Variants in SMYD3 observed in about 807,000 individuals in gnomAD.
The protein encoded by SMYD3 is histone-lysine N-methyltransferase SMYD3.
A neutral mutation model predicts 57.7 loss-of-function variants in SMYD3; 36 were observed. The observed-to-expected ratio is 0.62, with a 90% CI of 0.48 to 0.82. SMYD3 has a LOEUF of 0.82. SMYD3 is among the 40% of genes least tolerant of loss of function. The pLI, the probability that SMYD3 is intolerant of heterozygous loss-of-function variation, is 0.00. For synonymous variants in SMYD3, 211 were observed against 195.0 expected (o/e 1.08, Z -0.68); for missense variants, 515 against 538.8 (o/e 0.96, Z 0.44).
At chr1:246,168,019 G>A (rs189424847) in intron 5 of SMYD3, among the ~76,000 whole-genome samples, 4 of 152,258 alleles carry the variant, frequency 2.6e-5, no homozygotes, top group South Asian at 2.1e-4. Flanking sequence ...CAGACAAAAC[G>A]CAAAACAGTG....
intron 5 of SMYD3, among the ~76,000 whole-genome samples, chr1:246,244,049 CAT>C (rs772022411): frequency 2.7e-5 from 4 of 150,560 alleles, no homozygotes; most frequent in African/African-American, 9.8e-5. Flanking sequence ...ACATGGGACT[CAT>C]ATATATATAT....
intron 5 of SMYD3, among the ~76,000 whole-genome samples, chr1:246,217,282 TAA>T (rs1309658545): frequency 1.3e-5 from 2 of 152,104 alleles, no homozygotes; most frequent in Non-Finnish European, 2.9e-5. Flanking sequence ...AAAGAATTTC[TAA>T]AGAGTGTGAA....
intron 10 of SMYD3, among the ~76,000 whole-genome samples, chr1:245,832,925 A>G (rs776014689): frequency 6.6e-6 from 1 of 152,122 alleles, no homozygotes; most frequent in African/African-American, 2.4e-5. Context: ...AGATGGAGTG[A>G]TAGTTCTTCA....
At chr1:246,079,404 T>G (rs10802331) in intron 5 of SMYD3, among the ~76,000 whole-genome samples, 30,528 of 152,152 alleles carry the variant, frequency 0.2, 4,756 homozygotes, top group African/African-American at 0.43. Context: ...TGAAGATTGA[T>G]GTATTTATTA....
chr1:246,149,208 A>T (rs2061904067), intron 5 of SMYD3, among the ~76,000 whole-genome samples: 1 of 152,150 alleles, frequency 6.6e-6, no homozygotes, highest in Non-Finnish European at 1.5e-5. Flanking sequence ...AACCATGGAG[A>T]TCTATATCAA....
intron 11 of SMYD3, among the ~76,000 whole-genome samples, chr1:245,756,726 G>A (rs2045620784): frequency 6.6e-6 from 1 of 150,800 alleles, no homozygotes; most frequent in Non-Finnish European, 1.5e-5. Context: ...GGTTTCTGAT[G>A]AGAAAATCAC....
At chr1:245,913,507 A>G (rs2055172030) in intron 8 of SMYD3, among the ~76,000 whole-genome samples, 1 of 151,722 alleles carries the variant, frequency 6.6e-6, no homozygotes, top group African/African-American at 2.4e-5. Context: ...AACTTAAACT[A>G]TAATTTAAAA....
intron 5 of SMYD3, among the ~76,000 whole-genome samples, chr1:246,323,261 G>A (rs764648767): frequency 3.3e-5 from 5 of 152,318 alleles, no homozygotes; most frequent in Admixed American, 1.3e-4. Flanking sequence ...CTATTAGGGT[G>A]TGTGTGTATT....
intron 10 of SMYD3, among the ~76,000 whole-genome samples, chr1:245,802,358 C>A (rs539559614): frequency 6.6e-6 from 1 of 152,272 alleles, no homozygotes; most frequent in Admixed American, 6.5e-5. Context: ...GAGAGCCAAA[C>A]GCTGACCTCC....
At chr1:246,120,645 C>T (rs996928802) in intron 5 of SMYD3, among the ~76,000 whole-genome samples, 3 of 152,106 alleles carry the variant, frequency 2.0e-5, no homozygotes, top group South Asian at 2.1e-4. Flanking sequence ...TGGCATAATG[C>T]GTGGCTCATA....
intron 5 of SMYD3, among the ~76,000 whole-genome samples, chr1:245,954,600 C>T (rs928340806): frequency 9.2e-5 from 14 of 152,042 alleles, no homozygotes; most frequent in African/African-American, 2.2e-4. Flanking sequence ...CGCTTGAGCC[C>T]CCAGGAAGCA....
chr1:245,886,099 G>A (rs1239963139), intron 8 of SMYD3, among the ~76,000 whole-genome samples: 1 of 152,146 alleles, frequency 6.6e-6, no homozygotes, highest in Non-Finnish European at 1.5e-5. Flanking sequence ...TGCCAAGATT[G>A]ACTAAATTCT....
intron 5 of SMYD3, 98 bp downstream of exon 5, chr1:246,327,103 A>G: frequency 6.9e-7 from 1 of 1,458,518 alleles, no homozygotes; most frequent in East Asian, 2.3e-5. Flanking sequence ...AGGGTCTTGA[A>G]TTTCCTGTCA....
rs927872925 is a variant in SMYD3 at position 246,190,681 on chromosome 1, A to T, written c.531+136520T>A. 4.0e-4 allele frequency among the ~76,000 whole-genome samples: 61 copies of T among 151,622 alleles called. 1 individual carries two copies. Among genetic ancestry groups the T allele is most frequent in the African/African-American group, 1.4e-3 (58 of 41,344 alleles). ...ACTACTCAATTAGACTAAATTTTTT[A>T]AAAATCATGATTTTCTTTGTCCCCC... On this transcript the variant is annotated intron_variant, in intron 5 of 11. Transcript: ENST00000490107.
intron 8 of SMYD3, among the ~76,000 whole-genome samples, chr1:245,879,294 T>C (rs2052648241): frequency 6.6e-6 from 1 of 152,204 alleles, no homozygotes; most frequent in African/African-American, 2.4e-5. Flanking sequence ...CCTCATAGGG[T>C]GGGCCTAAGG....
At chr1:246,310,632 A>G (rs894680833) in intron 5 of SMYD3, among the ~76,000 whole-genome samples, 1 of 141,800 alleles carries the variant, frequency 7.1e-6, no homozygotes, top group South Asian at 2.5e-4. Flanking sequence ...AGGAATCCTG[A>G]GTTTTAGGGG....
chr1:246,029,550 T>C (rs541244391), intron 5 of SMYD3, among the ~76,000 whole-genome samples: 35 of 151,346 alleles, frequency 2.3e-4, no homozygotes, highest in Middle Eastern at 6.8e-3. Flanking sequence ...CACACGCCTG[T>C]AATCCCAGCT....
chr1:246,121,653 G>A (rs2061427866), intron 5 of SMYD3, among the ~76,000 whole-genome samples: 1 of 152,172 alleles, frequency 6.6e-6, no homozygotes, highest in African/African-American at 2.4e-5. Context: ...ATTAATAGCA[G>A]CTCATACTGA....
At chr1:246,256,298 TC>T (rs1244948936) in intron 5 of SMYD3, among the ~76,000 whole-genome samples, 2 of 146,426 alleles carry the variant, frequency 1.4e-5, no homozygotes, top group African/African-American at 4.9e-5. Flanking sequence ...GGATCTGCCT[TC>T]CCCAGCCCAC....
Sources: gnomAD v4.1 joint callset for allele counts (sites outside exome capture counted in the v4.1 genomes callset) on GRCh38, gnomAD v4.1.1 for gene constraint, MANE v1.5 for transcripts, NCBI Gene and HGNC (gene_info 2026-07-23, HGNC 2026-07-21) for gene names.